Variants in CNIH3 observed in about 807,000 individuals in gnomAD.
CNIH3 encodes protein cornichon homolog 3.
A neutral mutation model predicts 24.1 loss-of-function variants in CNIH3; 14 were observed. The ratio of observed to expected loss-of-function variants is 0.58; its 90% confidence interval spans 0.38 to 0.91. The LOEUF (loss-of-function observed/expected upper bound fraction) is 0.91. Ranked by LOEUF, CNIH3 falls within the 40% of genes least tolerant of loss-of-function variation. The pLI is 0.00. For missense variants in CNIH3, 178 were observed against 196.8 expected, an observed-to-expected ratio of 0.90 and a Z score of 0.57; for synonymous variants, 68 against 73.8, an observed-to-expected ratio of 0.92 and a Z score of 0.40.
At chr1:224,673,432 A>T (rs1225367156) in intron 1 of CNIH3, among the ~76,000 whole-genome samples, 1 of 152,032 alleles carries the variant, frequency 6.6e-6, no homozygotes, top group East Asian at 1.9e-4. Context: ...AGGCCTTTCC[A>T]TGCCTCACAC....
chr1:224,685,071 C>G (rs1686589352), intron 3 of CNIH3, among the ~76,000 whole-genome samples: 1 of 152,344 alleles, frequency 6.6e-6, no homozygotes, highest in South Asian at 2.1e-4. Flanking sequence ...CAGGACAGCA[C>G]TGGGTATTTG....
At chr1:224,484,171 C>CAAAAAAAAAATAAAA (rs1676934837) in intron 1 of CNIH3, among the ~76,000 whole-genome samples, 1 of 140,450 alleles carries the variant, frequency 7.1e-6, no homozygotes, top group African/African-American at 2.7e-5. Flanking sequence ...AACTCTGTCT[C>CAAAAAAAAAATAAAA]AAAAAAAAAA....
intron 2 of CNIH3, among the ~76,000 whole-genome samples, chr1:224,533,793 C>T (rs1486297567): frequency 1.3e-5 from 2 of 152,190 alleles, no homozygotes; most frequent in African/African-American, 2.4e-5. Context: ...CGCATCTCAA[C>T]TTGATTACAT....
chr1:224,697,516 G>T (rs1286068768), intron 3 of CNIH3, among the ~76,000 whole-genome samples: 2 of 152,128 alleles, frequency 1.3e-5, no homozygotes, highest in Admixed American at 1.3e-4. Flanking sequence ...GCCAACAGGT[G>T]CCCAAGTGGA....
At chr1:224,642,840 A>G (rs2125094155) in intron 1 of CNIH3, among the ~76,000 whole-genome samples, 1 of 152,340 alleles carries the variant, frequency 6.6e-6, no homozygotes, top group East Asian at 1.9e-4. Flanking sequence ...CTGCATCGAA[A>G]GCATGGTCTT....
chr1:224,662,461 A>T (rs1213910609), intron 1 of CNIH3, among the ~76,000 whole-genome samples: 5 of 152,166 alleles, frequency 3.3e-5, no homozygotes, highest in African/African-American at 1.2e-4. Context: ...CACAAAGATC[A>T]TTTTGTTTTG....
intron 1 of CNIH3, among the ~76,000 whole-genome samples, chr1:224,440,263 T>C (rs1401017653): frequency 1.3e-5 from 2 of 152,184 alleles, no homozygotes; most frequent in African/African-American, 4.8e-5. Flanking sequence ...AGGGTCTTGC[T>C]CTGTTGTCCA....
At position 224,484,387 on chromosome 1, in the gene CNIH3, G is replaced by A. The variant is rs368299194; in HGVS notation, n.204-31354G>A. On this transcript the variant is annotated intron_variant and non_coding_transcript_variant, in intron 1 of 5. Coordinates refer to the CNIH3 transcript ENST00000471578. ...GGAGCTTGCAGTGAGCCGAGATCAC[G>A]CCACTGCACTCCAGCCTGGGTGACA... Among the ~76,000 whole-genome samples, 405 of 150,444 alleles carry A rather than the reference G, an allele frequency of 2.7e-3. 4 individuals are homozygous for A. The highest frequency in any genetic ancestry group is 0.017 in the South Asian group (81 of 4,732).
chr1:224,669,444 A>G (rs1685755632), intron 1 of CNIH3, among the ~76,000 whole-genome samples: 2 of 152,100 alleles, frequency 1.3e-5, no homozygotes, highest in Non-Finnish European at 2.9e-5. Context: ...CTCTAAGTTC[A>G]TGTTTCCACC....
At chr1:224,713,840 A>G (rs760015928) in intron 3 of CNIH3, among the ~76,000 whole-genome samples, 2 of 152,162 alleles carry the variant, frequency 1.3e-5, no homozygotes, top group Non-Finnish European at 2.9e-5. Flanking sequence ...TTTTGAGACA[A>G]GGTCTCATTC....
chr1:224,437,573 A>G (rs1240374253), intron 1 of CNIH3, among the ~76,000 whole-genome samples: 1 of 152,214 alleles, frequency 6.6e-6, no homozygotes, highest in African/African-American at 2.4e-5. Context: ...CATATAAGCC[A>G]GTATTTTTCA....
upstream of CNIH3, among the ~76,000 whole-genome samples, chr1:224,514,310 A>G (rs1678291177): frequency 6.6e-6 from 1 of 152,200 alleles, no homozygotes; most frequent in Admixed American, 6.5e-5. Flanking sequence ...GAATAATCAT[A>G]GAGTTTCAGA....
intron 1 of CNIH3, among the ~76,000 whole-genome samples, chr1:224,441,457 G>A (rs1572244686): frequency 6.6e-6 from 1 of 152,182 alleles, no homozygotes; most frequent in Admixed American, 6.5e-5. Flanking sequence ...ACTTTGAAAA[G>A]TAGATAAATA....
intron 3 of CNIH3, among the ~76,000 whole-genome samples, chr1:224,718,285 A>G (rs1271867992): frequency 6.6e-6 from 1 of 152,106 alleles, no homozygotes; most frequent in African/African-American, 2.4e-5. Flanking sequence ...TGCCATGCAA[A>G]TATCTGAGGA....
intron 1 of CNIH3, among the ~76,000 whole-genome samples, chr1:224,475,009 C>A (rs1676520530): frequency 7.0e-6 from 1 of 142,820 alleles, no homozygotes; most frequent in African/African-American, 2.6e-5. Context: ...CGTGCCACTG[C>A]ACTCCAGCCT....
intron 1 of CNIH3, among the ~76,000 whole-genome samples, chr1:224,488,763 T>C (rs536926559): frequency 3.8e-4 from 57 of 150,916 alleles, no homozygotes; most frequent in Non-Finnish European, 6.6e-4. Flanking sequence ...CCATCATGCC[T>C]GGCCCCTATC....
intron 2 of CNIH3, among the ~76,000 whole-genome samples, chr1:224,532,189 C>T (rs577055356): frequency 1.1e-4 from 17 of 151,970 alleles, no homozygotes; most frequent in Non-Finnish European, 2.1e-4. Context: ...GGTTTTTCCA[C>T]GAAGGTAAAG....
In CNIH3 at chr1:224,617,053, T is replaced by A; in HGVS notation, c.-122T>A. The A allele has an allele frequency of 6.8e-7, 1 of 1,471,094 alleles. No individual in the cohort carries two copies. Among genetic ancestry groups the A allele is most frequent in the Non-Finnish European group, 9.0e-7 (1 of 1,116,758 alleles). 91.1% of individuals were successfully genotyped at this position (1,471,094 alleles called of 1,614,324 possible). On this transcript the variant is annotated 5_prime_UTR_variant, in exon 1 of 6. Coordinates refer to ENST00000272133, the MANE Select transcript of CNIH3 (RefSeq NM_152495.2). Reference sequence around the variant, plus strand: ...TCGCTTCGCTAGCTGTGCGCCCTCCTGGGCACTAGCCTGGAGAGGAGCGTG... The same window carrying A: ...TCGCTTCGCTAGCTGTGCGCCCTCCAGGGCACTAGCCTGGAGAGGAGCGTG...
At chr1:224,579,638 G>A (rs1421334843) in intron 4 of CNIH3, among the ~76,000 whole-genome samples, 2 of 152,186 alleles carry the variant, frequency 1.3e-5, no homozygotes, top group African/African-American at 2.4e-5. Context: ...AATGGGAGAT[G>A]TTTGGGTCAT....
Sources: gnomAD v4.1 joint callset for allele counts (sites outside exome capture counted in the v4.1 genomes callset) on GRCh38, gnomAD v4.1.1 for gene constraint, MANE v1.5 for transcripts, NCBI Gene and HGNC (gene_info 2026-07-23, HGNC 2026-07-21) for gene names.